PDE11A: variants seen among roughly 807,000 people sequenced by gnomAD.
The protein encoded by PDE11A is dual 3',5'-cyclic-AMP and -GMP phosphodiesterase 11A.
PDE11A carries 100 observed loss-of-function variants against 100.5 expected under a neutral mutation model. The ratio of observed to expected loss-of-function variants is 1.00; its 90% CI spans 0.85 to 1.18. The LOEUF is 1.18. Ranked by LOEUF, PDE11A falls within the 50% of genes most tolerant of loss-of-function variation. The pLI, the probability that PDE11A is intolerant of heterozygous loss-of-function variation, is 0.00. For synonymous variants in PDE11A, 381 were observed against 420.8 expected (o/e 0.91, Z 1.16); for missense variants, 1,141 against 1,152.6 (o/e 0.99, Z 0.15).
At position 177,891,183 on chromosome 2, in the gene PDE11A, G is replaced by A. The variant is rs548038461; in HGVS notation, c.1302+6875C>T. ...AGTTAAAATATATTTTCAGCTATTCGGGAGGCTGGGGCAAGAGAATTGCTT... is the reference window on the plus strand; with the variant it reads ...AGTTAAAATATATTTTCAGCTATTCAGGAGGCTGGGGCAAGAGAATTGCTT... On this transcript the variant is annotated intron_variant, in intron 4 of 19. Coordinates refer to ENST00000286063, the MANE Select transcript of PDE11A (RefSeq NM_016953.4). 1.2e-3 allele frequency among the ~76,000 whole-genome samples: 184 copies of A among 152,120 alleles called. 1 individual carries two copies. Among genetic ancestry groups the A allele is most frequent in the Middle Eastern group, 0.01 (3 of 294 alleles).
At chr2:177,715,637 G>A (rs1224648619) in intron 12 of PDE11A, among the ~76,000 whole-genome samples, 1 of 151,906 alleles carries the variant, frequency 6.6e-6, no homozygotes, top group Non-Finnish European at 1.5e-5. Context: ...AATATGTTTA[G>A]TTTATAAAAA....
At chr2:177,815,480 G>C (rs532287070) in intron 9 of PDE11A, among the ~76,000 whole-genome samples, 1 of 152,098 alleles carries the variant, frequency 6.6e-6, no homozygotes, top group African/African-American at 2.4e-5. Flanking sequence ...ACTATAAAAA[G>C]ATATTACATA....
At chr2:177,874,654 G>A (rs577227675) in intron 5 of PDE11A, among the ~76,000 whole-genome samples, 1 of 152,288 alleles carries the variant, frequency 6.6e-6, no homozygotes, top group African/African-American at 2.4e-5. Context: ...TTTTTTCCAA[G>A]CGGATGTTAT....
intron 19 of PDE11A, among the ~76,000 whole-genome samples, chr2:177,639,970 TTGTC>T (rs1374295821): frequency 6.6e-6 from 1 of 152,134 alleles, no homozygotes; most frequent in Non-Finnish European, 1.5e-5. Flanking sequence ...TTTGAGGAAA[TTGTC>T]TGACTATTCA....
intron 10 of PDE11A, among the ~76,000 whole-genome samples, chr2:177,752,270 C>T (rs917121585): frequency 6.6e-6 from 1 of 152,186 alleles, no homozygotes; most frequent in Non-Finnish European, 1.5e-5. Context: ...TGAAATGTGG[C>T]CTGTCCTGCT....
chr2:177,878,714 G>A (rs1417542634), intron 4 of PDE11A, among the ~76,000 whole-genome samples: 3 of 152,252 alleles, frequency 2.0e-5, no homozygotes, highest in African/African-American at 7.2e-5. Flanking sequence ...TTGCAGAACC[G>A]AGATTTGAAC....
intron 10 of PDE11A, among the ~76,000 whole-genome samples, chr2:177,736,674 C>A (rs370193048): frequency 6.6e-6 from 1 of 152,154 alleles, no homozygotes; most frequent in African/African-American, 2.4e-5. Context: ...TAGCAAAGGA[C>A]CCCCATGGAG....
chr2:177,658,461 T>TCCTCTGCCTCTCCTCCCTTCCCC (rs2080423343), intron 19 of PDE11A, among the ~76,000 whole-genome samples: 1 of 151,544 alleles, frequency 6.6e-6, no homozygotes, highest in African/African-American at 2.4e-5. Context: ...TCCCCTTCCC[T>TCCTCTGCCTCTCCTCCCTTCCCC]CCTCTGCCTC....
At chr2:178,063,307 T>G (rs963644858) in intron 1 of PDE11A, among the ~76,000 whole-genome samples, 16 of 152,216 alleles carry the variant, frequency 1.1e-4, no homozygotes, top group African/African-American at 3.9e-4. Context: ...TCATTTCTTG[T>G]GTTTCAGGGA....
intron 1 of PDE11A, among the ~76,000 whole-genome samples, chr2:178,046,912 T>C (rs561467234): frequency 2.0e-5 from 3 of 152,302 alleles, no homozygotes; most frequent in South Asian, 2.1e-4. Flanking sequence ...AAAAGAATTA[T>C]AGGTTGTGAA....
intron 6 of PDE11A, among the ~76,000 whole-genome samples, chr2:177,832,196 A>G (rs999205364): frequency 3.9e-5 from 6 of 152,204 alleles, no homozygotes; most frequent in African/African-American, 1.4e-4. Context: ...TGTTAACTTG[A>G]TTGGATTCCA....
At chr2:177,906,197 GCA>G (rs2084785051) in intron 2 of PDE11A, among the ~76,000 whole-genome samples, 1 of 145,002 alleles carries the variant, frequency 6.9e-6, no homozygotes, top group African/African-American at 2.4e-5. Flanking sequence ...ACGCACGCAC[GCA>G]CGCACACAAT....
At chr2:177,680,783 G>A in intron 16 of PDE11A, 43 bp downstream of exon 16, 2 of 1,081,080 alleles carry the variant, frequency 1.9e-6, no homozygotes, top group Non-Finnish European at 2.9e-6. Flanking sequence ...TGGACTAAAT[G>A]TCCAAATAAT....
Position 177,737,403 on chromosome 2 carries a change from C to A in PDE11A, c.1789-9231G>T, listed in dbSNP as rs1460919633. ...ACCATCCTGGCTAACACAGTGAAAC[C>A]CCGTCTCTACTAAAAATACACACAC... On this transcript the variant is annotated intron_variant, in intron 10 of 19. Transcript: ENST00000286063. Among the ~76,000 whole-genome samples the A allele has an allele frequency of 5.9e-5, 4 of 67,324 alleles. No individual in the cohort carries two copies. The East Asian group carries it at 3.0e-3, about 51-fold the overall frequency. 44.2% of individuals were successfully genotyped at this position (67,324 alleles called of 152,430 possible).
chr2:177,798,297 C>G (rs1006692229), intron 9 of PDE11A, among the ~76,000 whole-genome samples: 9 of 152,190 alleles, frequency 5.9e-5, no homozygotes, highest in African/African-American at 2.2e-4. Flanking sequence ...GCTCGTTACA[C>G]TTGGCAGTAA....
chr2:177,791,426 T>G (rs1305297746), intron 9 of PDE11A, among the ~76,000 whole-genome samples: 1 of 147,124 alleles, frequency 6.8e-6, no homozygotes, highest in African/African-American at 2.5e-5. Context: ...TTAGGAGATA[T>G]ACCTAATGTT....
chr2:177,832,471 G>C (rs142924667), intron 6 of PDE11A, among the ~76,000 whole-genome samples: 2 of 152,034 alleles, frequency 1.3e-5, no homozygotes, highest in Non-Finnish European at 1.5e-5. Flanking sequence ...TTTGGGATTC[G>C]GACTGGCTTC....
At chr2:178,049,857 T>C (rs1342954860) in intron 1 of PDE11A, among the ~76,000 whole-genome samples, 1 of 152,046 alleles carries the variant, frequency 6.6e-6, no homozygotes. Context: ...GCCAGGAAGC[T>C]CAAACTGGGT....
rs543687944 is a variant in PDE11A, at chr2:178,022,069, A to C, written c.913-7609T>G. On this transcript the variant is annotated intron_variant, in intron 1 of 19. Transcript: ENST00000286063. ...GTGGGAGTGATATGACTGAGTCTTCATTTTAGAAAGACTGCTGTGGCTACA... is the reference window on the plus strand; with the variant it reads ...GTGGGAGTGATATGACTGAGTCTTCCTTTTAGAAAGACTGCTGTGGCTACA... 5.3e-5 allele frequency among the ~76,000 whole-genome samples: 8 copies of C among 152,140 alleles called. No individual in the cohort carries two copies. The South Asian group carries it at 1.7e-3, about 32-fold the overall frequency.
Sources: gnomAD v4.1 joint callset for allele counts (sites outside exome capture counted in the v4.1 genomes callset) on GRCh38, gnomAD v4.1.1 for gene constraint, MANE v1.5 for transcripts, NCBI Gene and HGNC (gene_info 2026-07-23, HGNC 2026-07-21) for gene names.